The following PPP1R9A variants were observed in gnomAD, a reference collection of about 807,000 sequenced individuals.
PPP1R9A encodes the protein neurabin-1.
Under a neutral mutation model 141.9 loss-of-function variants are expected in PPP1R9A, and 59 were observed. That is an observed-to-expected ratio of 0.42 (90% CI 0.34 to 0.52). The LOEUF (loss-of-function observed/expected upper bound fraction) is 0.52, where lower values mean the gene tolerates loss of function less well. Ranked by LOEUF, PPP1R9A falls within the 20% of genes least tolerant of loss-of-function variation. PPP1R9A has a pLI of 0.10. For synonymous variants in PPP1R9A, 500 were observed against 569.7 expected (o/e 0.88, Z 1.74); for missense variants, 1,444 against 1,611.9 (o/e 0.90, Z 1.78).
chr7:95,118,050 T>C (rs528729163), intron 3 of PPP1R9A, among the ~76,000 whole-genome samples: 58 of 152,298 alleles, frequency 3.8e-4, no homozygotes, highest in African/African-American at 1.4e-3. Flanking sequence ...ACCCTATGAA[T>C]GTGACGAATG....
At position 95,273,814 on chromosome 7, in the gene PPP1R9A, C is replaced by G. The variant is rs1229188168; in HGVS notation, c.3125-85C>G. The G allele has an allele frequency of 2.4e-6, 3 of 1,244,002 alleles. No homozygotes were observed. The African/African-American group carries it at 4.6e-5, about 19-fold the overall frequency. 77.1% of individuals were successfully genotyped at this position (1,244,002 alleles called of 1,614,324 possible). ...TACAATTAGGAATTTAGGCAAAGCC[C>G]TTAGATTCAGAGATGCATTGACTTT... On this transcript the variant is annotated intron_variant, in intron 14 of 19. Coordinates refer to ENST00000433360, the MANE Select transcript of PPP1R9A (RefSeq NM_001166160.2).
intron 5 of PPP1R9A, among the ~76,000 whole-genome samples, chr7:95,181,627 C>G (rs1461650102): frequency 7.5e-6 from 1 of 132,690 alleles, no homozygotes; most frequent in East Asian, 2.1e-4. Context: ...TATATTCCAT[C>G]ACATATATAT....
At chr7:95,082,404 G>A (rs761195809) in intron 2 of PPP1R9A, among the ~76,000 whole-genome samples, 6 of 150,506 alleles carry the variant, frequency 4.0e-5, no homozygotes, top group Non-Finnish European at 5.9e-5. Flanking sequence ...CAGAAGTGGA[G>A]GCTAAGGCAG....
chr7:94,979,119 G>C (rs1429874566), intron 2 of PPP1R9A, among the ~76,000 whole-genome samples: 1 of 152,184 alleles, frequency 6.6e-6, no homozygotes, highest in Non-Finnish European at 1.5e-5. Flanking sequence ...TGTAGTGATA[G>C]AATTTGAGTT....
At chr7:95,105,603 A>G (rs10228622) in intron 2 of PPP1R9A, among the ~76,000 whole-genome samples, 76,836 of 152,116 alleles carry the variant, frequency 0.51, 20,549 homozygotes, top group African/African-American at 0.65. Flanking sequence ...GAACATTAGG[A>G]CTCAGAATGC....
chr7:95,162,029 C>A (rs935328894), intron 5 of PPP1R9A, 58 bp downstream of exon 5: 3 of 1,116,272 alleles, frequency 2.7e-6, no homozygotes, highest in African/African-American at 3.2e-5. Flanking sequence ...TTTTAATTTT[C>A]TATAGTTTAA....
At chr7:95,125,181 G>A (rs899086181) in intron 4 of PPP1R9A, among the ~76,000 whole-genome samples, 1 of 152,028 alleles carries the variant, frequency 6.6e-6, no homozygotes, top group Admixed American at 6.5e-5. Context: ...AGGTCTCACT[G>A]TGTTGCCCAG....
rs182940984 is a variant in PPP1R9A at position 94,929,129 on chromosome 7, C to T, written c.1395+17621C>T. On this transcript the variant is annotated intron_variant, in intron 2 of 19. Transcript: ENST00000433360. ...AACTTTAACTGCCATTTTCAATTAT[C>T]GGACAAATTCTTAGTCTAAATTGCT... Among the ~76,000 whole-genome samples, 13 of 152,296 alleles carry T rather than the reference C, an allele frequency of 8.5e-5. No homozygotes were observed. The South Asian group carries it at 1.2e-3, about 15-fold the overall frequency.
At chr7:94,986,853 T>C (rs1260102760) in intron 2 of PPP1R9A, among the ~76,000 whole-genome samples, 1 of 152,268 alleles carries the variant, frequency 6.6e-6, no homozygotes, top group Non-Finnish European at 1.5e-5. Context: ...TAGGTAACTT[T>C]GTTTTGTCTT....
At chr7:95,287,295 A>G (rs1259376026) in intron 18 of PPP1R9A, among the ~76,000 whole-genome samples, 2 of 152,198 alleles carry the variant, frequency 1.3e-5, no homozygotes, top group African/African-American at 4.8e-5. Flanking sequence ...CCTTTGTCAT[A>G]TCTTAGTTTA....
chr7:95,168,666 A>G (rs73431036), intron 5 of PPP1R9A, among the ~76,000 whole-genome samples: 65 of 152,206 alleles, frequency 4.3e-4, no homozygotes, highest in African/African-American at 1.5e-3. Flanking sequence ...TATCTAGAAT[A>G]TTAAAGGAAC....
In PPP1R9A at chr7:95,159,287, G is replaced by A. The variant is rs80097633; in HGVS notation, c.1650-2580G>A. Reference sequence around the variant, plus strand: ...AATGCTGAATGAAGCAAACTAAGTTGCAAAAAGAGAGGTATACATCATAAT... The same window carrying A: ...AATGCTGAATGAAGCAAACTAAGTTACAAAAAGAGAGGTATACATCATAAT... On this transcript the variant is annotated intron_variant, in intron 4 of 19. Transcript: ENST00000433360. Among the ~76,000 whole-genome samples the A allele has an allele frequency of 7.9e-4, 120 of 152,130 alleles. 2 individuals are homozygous for A. In the East Asian group the frequency reaches 0.018, roughly 23 times the overall value.
At chr7:95,114,891 CA>C (rs200443706) in intron 3 of PPP1R9A, among the ~76,000 whole-genome samples, 58,405 of 112,196 alleles carry the variant, frequency 0.52, 11,968 homozygotes, top group Middle Eastern at 0.55. Context: ...AAGTCCGTCT[CA>C]AAAAAAAAAA....
Position 95,100,172 on chromosome 7 carries a change from C to T in PPP1R9A, c.1396-11087C>T, listed in dbSNP as rs146677593. Among the ~76,000 whole-genome samples, 729 of 152,182 alleles carry T rather than the reference C, an allele frequency of 4.8e-3. 6 individuals are homozygous for T. The highest frequency in any genetic ancestry group is 0.016 in the African/African-American group (681 of 41,526). On this transcript the variant is annotated intron_variant, in intron 2 of 19. Transcript: ENST00000433360. The stretch of plus-strand genomic sequence containing the variant: ...TGGTGGCTCATGCCTGTAATCCCAG[C>T]ACTTTCGGAGGCCGAGGTGGGAGGA...
intron 5 of PPP1R9A, among the ~76,000 whole-genome samples, chr7:95,167,566 A>G (rs1831454127): frequency 6.6e-6 from 1 of 152,206 alleles, no homozygotes; most frequent in Admixed American, 6.5e-5. Context: ...GGCAAGAGAA[A>G]GAAATAAAAG....
intron 7 of PPP1R9A, among the ~76,000 whole-genome samples, chr7:95,213,238 A>G (rs2152919618): frequency 6.6e-6 from 1 of 151,540 alleles, no homozygotes; most frequent in Admixed American, 6.6e-5. Flanking sequence ...AGGTTTGTTT[A>G]TCACTCATTA....
At chr7:95,245,418 G>C (rs1198869409) in intron 8 of PPP1R9A, among the ~76,000 whole-genome samples, 1 of 152,140 alleles carries the variant, frequency 6.6e-6, no homozygotes, top group Non-Finnish European at 1.5e-5. Context: ...GTGATTCACT[G>C]TGAGGAAAAG....
chr7:95,106,819 T>A (rs576647387), intron 2 of PPP1R9A, among the ~76,000 whole-genome samples: 2 of 152,136 alleles, frequency 1.3e-5, no homozygotes, highest in Non-Finnish European at 2.9e-5. Context: ...TTTGTTTGTT[T>A]TTTTGAGTCT....
intron 16 of PPP1R9A, among the ~76,000 whole-genome samples, chr7:95,277,880 A>G (rs563113959): frequency 1.3e-5 from 2 of 152,370 alleles, no homozygotes; most frequent in African/African-American, 4.8e-5. Flanking sequence ...TCAGTGGAGC[A>G]TCTACTTTGG....
Sources: gnomAD v4.1 joint callset for allele counts (sites outside exome capture counted in the v4.1 genomes callset) on GRCh38, gnomAD v4.1.1 for gene constraint, MANE v1.5 for transcripts, NCBI Gene and HGNC (gene_info 2026-07-23, HGNC 2026-07-21) for gene names.